The following CRYBG1 variants were observed in gnomAD, a reference collection of about 807,000 sequenced individuals.
CRYBG1 encodes beta/gamma crystallin domain-containing protein 1.
CRYBG1 carries 139 observed loss-of-function variants against 189.2 expected under a neutral mutation model. That is an observed-to-expected ratio of 0.73 (90% confidence interval 0.64 to 0.85). The LOEUF is 0.85. Among genes scored for constraint, CRYBG1 ranks in the 40% least tolerant of loss-of-function variants. The pLI is 0.00. For missense variants in CRYBG1, 2,611 were observed against 2,675.8 expected (o/e 0.98, Z 0.53); for synonymous variants, 1,023 against 1,017.1 (o/e 1.01, Z -0.11).
chr6:106,460,233 C>T (rs1469321801), intron 2 of CRYBG1, among the ~76,000 whole-genome samples: 3 of 151,992 alleles, frequency 2.0e-5, no homozygotes, highest in Non-Finnish European at 2.9e-5. Flanking sequence ...CCTCGTGATC[C>T]GCCCGCCTCT....
intron 1 of CRYBG1, among the ~76,000 whole-genome samples, chr6:106,395,794 CAT>C (rs1429624585): frequency 2.7e-5 from 4 of 150,314 alleles, no homozygotes; most frequent in African/African-American, 4.8e-5. Context: ...ATTCAGACCC[CAT>C]ATACATATAT....
At chr6:106,493,689 TC>T (rs58048492) in intron 2 of CRYBG1, among the ~76,000 whole-genome samples, 13,215 of 152,266 alleles carry the variant, frequency 0.087, 632 homozygotes, top group African/African-American at 0.11. Flanking sequence ...GAAGCCATTA[TC>T]CTCAGCAAAC....
At chr6:106,379,510 C>A (rs1305654509) in intron 1 of CRYBG1, among the ~76,000 whole-genome samples, 1 of 151,990 alleles carries the variant, frequency 6.6e-6, no homozygotes, top group Non-Finnish European at 1.5e-5. Flanking sequence ...ATCCACCCGC[C>A]TCGGCCTCCC....
At chr6:106,368,820 A>G (rs1173061175) in intron 1 of CRYBG1, among the ~76,000 whole-genome samples, 1 of 152,172 alleles carries the variant, frequency 6.6e-6, no homozygotes, top group Non-Finnish European at 1.5e-5. Flanking sequence ...TGAGATACTG[A>G]ATAGTTTAAG....
Position 106,520,708 on chromosome 6 carries a change from G to A in CRYBG1, c.3500G>A (p.Ser1167Asn). 1 of 1,614,158 alleles carries A rather than the reference G, an allele frequency of 6.2e-7. No homozygotes were observed. Among genetic ancestry groups the A allele is most frequent in the Non-Finnish European group, 8.5e-7 (1 of 1,180,032 alleles). ...FTFGLGKKKE[S>N]QPEMSPALHL... ...TTTGGTTTGGGGAAGAAGAAGGAAA[G>A]TCAGCCAGAAATGTCACCGGCTTTA... is the stretch of plus-strand genomic sequence containing the variant. The change falls in exon 4 of 22, where the codon AGT becomes AAT. Residue 1167 changes from serine (S) to asparagine (N), a missense_variant. Transcript: ENST00000633556.
intron 17 of CRYBG1, among the ~76,000 whole-genome samples, chr6:106,557,309 A>C (rs959078628): frequency 6.6e-5 from 10 of 152,322 alleles, no homozygotes; most frequent in African/African-American, 2.2e-4. Context: ...TCTTTTTACC[A>C]GTCAGGACAC....
At chr6:106,502,737 C>T (rs1029562089) in intron 2 of CRYBG1, among the ~76,000 whole-genome samples, 2 of 152,168 alleles carry the variant, frequency 1.3e-5, no homozygotes, top group East Asian at 3.9e-4. Flanking sequence ...AAACATATAG[C>T]ACACTCAAGT....
At chr6:106,542,984 TTTTATTTTATTTTATTTTA>T (rs1398770377) in intron 10 of CRYBG1, among the ~76,000 whole-genome samples, 3 of 85,128 alleles carry the variant, frequency 3.5e-5, no homozygotes, top group African/African-American at 9.2e-5. Flanking sequence ...GAACATTTTA[TTTTATTTTATTTTATTTTA>T]TTTATTTTAA....
At chr6:106,470,116 C>A (rs555564946) in intron 2 of CRYBG1, among the ~76,000 whole-genome samples, 1 of 152,290 alleles carries the variant, frequency 6.6e-6, no homozygotes, top group East Asian at 1.9e-4. Flanking sequence ...GTCTGCCCAG[C>A]AATAAGCTGG....
At chr6:106,483,094 A>G (rs1772505147) in intron 2 of CRYBG1, among the ~76,000 whole-genome samples, 1 of 152,040 alleles carries the variant, frequency 6.6e-6, no homozygotes, top group Non-Finnish European at 1.5e-5. Flanking sequence ...TACTCTTTCT[A>G]TCTAATTGTC....
chr6:106,413,091 C>T lies in CRYBG1; in HGVS notation c.174-38603C>T, dbSNP rs568598488. Among the ~76,000 whole-genome samples the T allele has an allele frequency of 1.0e-3, 158 of 152,294 alleles. 1 individual carries two copies. The highest frequency in any genetic ancestry group is 3.3e-3 in the African/African-American group (137 of 41,560). The stretch of plus-strand genomic sequence containing the variant: ...AGAACAACATTCTCAGGTAACCCTG[C>T]TCCCAACCTCTGTCATGAAGTGGCC... On this transcript the variant is annotated intron_variant, in intron 1 of 21. Transcript: ENST00000633556.
At chr6:106,453,753 C>A (rs1266026612) in intron 2 of CRYBG1, among the ~76,000 whole-genome samples, 1 of 152,176 alleles carries the variant, frequency 6.6e-6, no homozygotes, top group Admixed American at 6.5e-5. Context: ...CTGTTGTGGC[C>A]TCCCTTGCAA....
chr6:106,555,167 C>T lies in CRYBG1; in HGVS notation c.5586-601C>T, dbSNP rs531367280. On this transcript the variant is annotated intron_variant, in intron 16 of 21. Coordinates refer to ENST00000633556, the MANE Select transcript of CRYBG1 (RefSeq NM_001371242.2). Reference sequence around the variant, plus strand: ...GTGACAGAGCGAGATTCTGTCCCCCCGCCACCAAAAGAAAAGAAAAAAAGG... The same window carrying T: ...GTGACAGAGCGAGATTCTGTCCCCCTGCCACCAAAAGAAAAGAAAAAAAGG... 5.4e-4 allele frequency among the ~76,000 whole-genome samples: 75 copies of T among 139,256 alleles called. 2 individuals carry two copies. Among genetic ancestry groups the T allele is most frequent in the South Asian group, 2.2e-3 (9 of 4,116 alleles). The allele number at this position is 139,256 out of a possible 152,430, so 91.4% of individuals were successfully genotyped here. A position where few individuals can be genotyped will look rare whatever the true frequency, so the allele number is the denominator to read the frequency against.
intron 1 of CRYBG1, among the ~76,000 whole-genome samples, chr6:106,445,846 A>C (rs9320166): frequency 0.12 from 18,958 of 152,150 alleles, 1,237 homozygotes; most frequent in Middle Eastern, 0.16. Context: ...TGAAGGAAAA[A>C]CCCATTCTGT....
chr6:106,465,917 A>C (rs1297505210), intron 2 of CRYBG1, among the ~76,000 whole-genome samples: 1 of 152,198 alleles, frequency 6.6e-6, no homozygotes, highest in Non-Finnish European at 1.5e-5. Context: ...CTCAAATTTA[A>C]TGAATTGTTT....
At chr6:106,517,913 A>T (rs1773478429) in intron 3 of CRYBG1, among the ~76,000 whole-genome samples, 1 of 152,218 alleles carries the variant, frequency 6.6e-6, no homozygotes, top group Non-Finnish European at 1.5e-5. Flanking sequence ...GGGGGTAATT[A>T]TACCCAAGAA....
At position 106,451,610 on chromosome 6, in the gene CRYBG1, C is replaced by T. The variant is rs1431483537; in HGVS notation, c.174-84C>T. 9.6e-6 allele frequency: 12 copies of T among 1,253,096 alleles called. No individual in the cohort carries two copies. In the African/African-American group the frequency reaches 1.8e-4, roughly 19 times the overall value. The allele number at this position is 1,253,096 out of a possible 1,614,324, so 77.6% of individuals were successfully genotyped here. On this transcript the variant is annotated intron_variant, in intron 1 of 21. Transcript: ENST00000633556. The stretch of plus-strand genomic sequence containing the variant: ...TGGGCTGACTGGAAATATATTAATA[C>T]ATGGAGAAATATGCCTTTGGGTTTC...
rs147003179 is a variant in CRYBG1, at chr6:106,423,321, C to T, written c.174-28373C>T. Among the ~76,000 whole-genome samples, 471 of 140,740 alleles carry T rather than the reference C, an allele frequency of 3.3e-3. 5 individuals carry two copies. Among genetic ancestry groups the T allele is most frequent in the Admixed American group, 0.018 (240 of 13,436 alleles). 92.3% of individuals were successfully genotyped at this position (140,740 alleles called of 152,430 possible). A position where few individuals can be genotyped will look rare whatever the true frequency, so the allele number is the denominator to read the frequency against. On this transcript the variant is annotated intron_variant, in intron 1 of 21. Transcript: ENST00000633556. ...TAACCAATACATTTTGCTAAGTTAC[C>T]TCCTGGCCACAGTTCAATCATTCAA...
chr6:106,487,056 T>G (rs1461317091), intron 2 of CRYBG1, among the ~76,000 whole-genome samples: 2 of 152,146 alleles, frequency 1.3e-5, no homozygotes, highest in Non-Finnish European at 2.9e-5. Context: ...TTGTTTCCTT[T>G]CTCTTTGTTG....
Sources: allele counts gnomAD v4.1 joint callset (sites outside exome capture counted in the v4.1 genomes callset), GRCh38; gene constraint gnomAD v4.1.1; transcripts MANE v1.5; gene names NCBI Gene and HGNC (gene_info 2026-07-23, HGNC 2026-07-21).